AR: variants seen among roughly 807,000 people sequenced by gnomAD.
The protein encoded by AR is androgen receptor, also known as dihydrotestosterone receptor.
AR carries 8 observed loss-of-function variants against 53.9 expected under a neutral mutation model. The ratio of observed to expected loss-of-function variants is 0.15; its 90% CI spans 0.09 to 0.27. The LOEUF (loss-of-function observed/expected upper bound fraction) is 0.27, where lower values mean the gene tolerates loss of function less well. Ranked by LOEUF, AR falls within the 10% of genes least tolerant of loss-of-function variation. AR has a pLI of 1.00. For missense variants in AR, 639 were observed against 742.5 expected, an observed-to-expected ratio of 0.86 and a Z score of 1.62; for synonymous variants, 359 against 316.4, an observed-to-expected ratio of 1.13 and a Z score of -1.43.
intron 3 of AR, among the ~76,000 whole-genome samples, chrX:67,700,927 T>TC (rs1346283171): frequency 8.9e-6 from 1 of 111,858 alleles, no homozygotes; most frequent in Non-Finnish European, 1.9e-5. Flanking sequence ...TTTGAAAAAG[T>TC]CCATGGATTC....
At chrX:67,663,831 T>A (rs1018215995) in intron 2 of AR, among the ~76,000 whole-genome samples, 28 of 112,118 alleles carry the variant, frequency 2.5e-4, no homozygotes, top group Middle Eastern at 4.6e-3. Flanking sequence ...TTTCTTTTTA[T>A]TCTTTTTCCT....
Position 67,590,955 on chromosome X carries a change from T to C in AR, c.1616+44193T>C, listed in dbSNP as rs141109472. On this transcript the variant is annotated intron_variant, in intron 1 of 7. Transcript: ENST00000374690. ...TTTATTTGGGATAACAATAAGCCTG[T>C]ATGGTCACTGTGACCTTTGATTTGC... Among the ~76,000 whole-genome samples the C allele has an allele frequency of 1.4e-3, 160 of 112,357 alleles. 1 individual carries two copies. The East Asian group carries it at 0.04, about 28-fold the overall frequency.
intron 2 of AR, among the ~76,000 whole-genome samples, chrX:67,653,237 C>T (rs2147450257): frequency 8.9e-6 from 1 of 112,182 alleles, no homozygotes; most frequent in Admixed American, 9.5e-5. Flanking sequence ...CCTCAATTTA[C>T]AAATGAGGAA....
chrX:67,608,650 G>T (rs935123359), intron 1 of AR, among the ~76,000 whole-genome samples: 1 of 111,803 alleles, frequency 8.9e-6, no homozygotes, highest in East Asian at 2.8e-4. Flanking sequence ...GTTTTTAAAA[G>T]ATTTAAAATC....
At chrX:67,622,406 C>T (rs755094187) in intron 1 of AR, among the ~76,000 whole-genome samples, 116 of 111,360 alleles carry the variant, frequency 1.0e-3, no homozygotes, top group Non-Finnish European at 1.9e-3. Flanking sequence ...TCTATCCAGC[C>T]CCATTTATGA....
intron 2 of AR, among the ~76,000 whole-genome samples, chrX:67,660,953 G>A (rs1402117367): frequency 9.0e-6 from 1 of 111,258 alleles, no homozygotes; most frequent in Non-Finnish European, 1.9e-5. Flanking sequence ...TGGATTCCTA[G>A]GTATTTTATT....
At chrX:67,638,989 T>C (rs1316394465) in intron 1 of AR, among the ~76,000 whole-genome samples, 1 of 111,974 alleles carries the variant, frequency 8.9e-6, no homozygotes, top group Non-Finnish European at 1.9e-5. Context: ...GATTTAATTT[T>C]TGTGTAAGGT....
At chrX:67,722,265 A>G in intron 6 of AR, 1 of 292,901 alleles carries the variant, frequency 3.4e-6, no homozygotes, top group Non-Finnish European at 6.2e-6. Context: ...ATTTTTCCAT[A>G]GCTTCTGCTA....
At chrX:67,548,451 G>T (rs1438088301) in intron 1 of AR, among the ~76,000 whole-genome samples, 1 of 111,477 alleles carries the variant, frequency 9.0e-6, no homozygotes, top group Non-Finnish European at 1.9e-5. Flanking sequence ...AATTTACTTG[G>T]TAGGGTTAAT....
At chrX:67,606,458 A>C (rs1462378259) in intron 1 of AR, among the ~76,000 whole-genome samples, 3 of 112,134 alleles carry the variant, frequency 2.7e-5, no homozygotes, top group African/African-American at 9.7e-5. Context: ...TTTGGTTAGA[A>C]CATTTAAAAT....
chrX:67,711,403 C>T lies in AR; in HGVS notation c.1887C>T (p.Ala629=), dbSNP rs2147524057. The change falls in exon 4 of 8, where the codon GCC becomes GCT. Residue 629 remains alanine (A), a splice_region_variant and synonymous_variant. Coordinates refer to ENST00000374690, the MANE Select transcript of AR (RefSeq NM_000044.6). ...CAAGTCTCTCTTCCTTCCCAATAGC[C>T]CGGAAGCTGAAGAAACTTGGTAATC... ...KCYEAGMTLG[A]RKLKKLGNLK... 8.4e-7 allele frequency: 1 copy of T among 1,187,479 alleles called. No homozygotes were observed. The highest frequency in any genetic ancestry group is 1.1e-6 in the Non-Finnish European group (1 of 882,564).
At chrX:67,583,376 T>G (rs920039132) in intron 1 of AR, among the ~76,000 whole-genome samples, 5 of 112,146 alleles carry the variant, frequency 4.5e-5, no homozygotes, top group African/African-American at 1.3e-4. Context: ...TCTTCAGTTC[T>G]GTTGCAAAGG....
At chrX:67,623,438 G>A (rs1480679965) in intron 1 of AR, among the ~76,000 whole-genome samples, 2 of 111,674 alleles carry the variant, frequency 1.8e-5, no homozygotes. Context: ...AATACTTTGA[G>A]ATTAATGAAA....
chrX:67,570,664 A>G (rs1380661129), intron 1 of AR, among the ~76,000 whole-genome samples: 1 of 111,181 alleles, frequency 9.0e-6, no homozygotes, highest in Non-Finnish European at 1.9e-5. Context: ...TGTACTGCAA[A>G]GTCTTATTTC....
At position 67,544,601 on chromosome X, in the gene AR, G is replaced by T. The variant is rs1929617801; in HGVS notation, c.-546G>T. 3 of 168,508 alleles carry T rather than the reference G, an allele frequency of 1.8e-5. No homozygotes were observed. The highest frequency in any genetic ancestry group is 1.7e-4 in the Admixed American group (2 of 12,097). 13.9% of individuals were successfully genotyped at this position (168,508 alleles called of 1,213,427 possible). A position where few individuals can be genotyped will look rare whatever the true frequency, so the allele number is the denominator to read the frequency against. ...GGAGCGGCTTCAGCACTGCAGCCAC[G>T]ACCCGCCTGGTTAGGCTGCACGCGG... On this transcript the variant is annotated 5_prime_UTR_variant, in exon 1 of 8. Coordinates refer to ENST00000374690, the MANE Select transcript of AR (RefSeq NM_000044.6).
chrX:67,725,403 T>C lies in AR; in HGVS notation c.*1562T>C. On this transcript the variant is annotated 3_prime_UTR_variant, in exon 8 of 8. Coordinates refer to ENST00000374690, the MANE Select transcript of AR (RefSeq NM_000044.6). Reference sequence around the variant, plus strand: ...TCCCAGCAAGTGGAGAAGTTCTCACTTCCTTCTTTAGAGCAGCTAAAGGGG... The same window carrying C: ...TCCCAGCAAGTGGAGAAGTTCTCACCTCCTTCTTTAGAGCAGCTAAAGGGG... 5.7e-6 allele frequency: 1 copy of C among 175,611 alleles called. No individual in the cohort carries two copies. The highest frequency in any genetic ancestry group is 1.1e-5 in the Non-Finnish European group (1 of 91,638). The allele number at this position is 175,611 out of a possible 1,213,427, so 14.5% of individuals were successfully genotyped here. A position where few individuals can be genotyped will look rare whatever the true frequency, so the allele number is the denominator to read the frequency against.
chrX:67,625,829 T>C (rs1924601813), intron 1 of AR, among the ~76,000 whole-genome samples: 2 of 111,499 alleles, frequency 1.8e-5, no homozygotes, highest in Non-Finnish European at 3.8e-5. Context: ...AAAGTAAATC[T>C]TTATGACCTT....
At chrX:67,677,890 A>T (rs2075909960) in intron 2 of AR, among the ~76,000 whole-genome samples, 1 of 110,986 alleles carries the variant, frequency 9.0e-6, no homozygotes, top group African/African-American at 3.3e-5. Flanking sequence ...TTATATAATA[A>T]TAATATATAT....
intron 1 of AR, among the ~76,000 whole-genome samples, chrX:67,547,038 G>C (rs1056542005): frequency 9.0e-6 from 1 of 110,544 alleles, no homozygotes; most frequent in Non-Finnish European, 1.9e-5. Context: ...CCTGGTACTC[G>C]AGGTCCCAAA....
Sources: gnomAD v4.1 joint callset for allele counts (sites outside exome capture counted in the v4.1 genomes callset) on GRCh38, gnomAD v4.1.1 for gene constraint, MANE v1.5 for transcripts, NCBI Gene and HGNC (gene_info 2026-07-23, HGNC 2026-07-21) for gene names.